TAFA5: variants seen among roughly 807,000 people sequenced by gnomAD.
TAFA5 encodes the protein TAFA chemokine like family member 5.
Under a neutral mutation model 15.3 loss-of-function variants are expected in TAFA5, and 6 were observed. The observed-to-expected ratio is 0.39, with a 90% CI of 0.21 to 0.77. The LOEUF is 0.77. Among genes scored for constraint, TAFA5 ranks in the 30% least tolerant of loss-of-function variants. The probability of loss-of-function intolerance (pLI) is 0.41; values close to 1 mark genes in which losing one functional copy is unlikely to be tolerated. For missense variants in TAFA5, 161 were observed against 193.1 expected (o/e 0.83, Z 0.98); for synonymous variants, 103 against 80.7 (o/e 1.28, Z -1.48).
At chr22:48,614,211 CTCACCCCAACTCT>C (rs1925516714) in intron 1 of TAFA5, among the ~76,000 whole-genome samples, 1 of 152,214 alleles carries the variant, frequency 6.6e-6, no homozygotes, top group Non-Finnish European at 1.5e-5. Flanking sequence ...CGAACCATTC[CTCACCCCAACTCT>C]TCATTGTGAA....
intron 3 of TAFA5, among the ~76,000 whole-genome samples, chr22:48,739,342 A>C (rs901216639): frequency 6.6e-6 from 1 of 152,214 alleles, no homozygotes; most frequent in African/African-American, 2.4e-5. Context: ...CAACTTGCAG[A>C]AAATGTTGAG....
chr22:48,721,703 C>G (rs1340482617), intron 3 of TAFA5, among the ~76,000 whole-genome samples: 1 of 152,228 alleles, frequency 6.6e-6, no homozygotes, highest in East Asian at 1.9e-4. Flanking sequence ...GGCACAGTGG[C>G]TCACGCCTGT....
chr22:48,664,046 G>A (rs1021332155), intron 2 of TAFA5, among the ~76,000 whole-genome samples: 9 of 152,224 alleles, frequency 5.9e-5, no homozygotes, highest in Non-Finnish European at 1.2e-4. Context: ...GAAGGAAACA[G>A]ACCTCATGCT....
chr22:48,536,085 C>T (rs1488597059), intron 1 of TAFA5, among the ~76,000 whole-genome samples: 1 of 152,226 alleles, frequency 6.6e-6, no homozygotes, highest in African/African-American at 2.4e-5. Context: ...CCGCATGCAG[C>T]GAGTTCCCGC....
chr22:48,638,718 G>C (rs1413061439), intron 1 of TAFA5, among the ~76,000 whole-genome samples: 1 of 139,786 alleles, frequency 7.2e-6, no homozygotes, highest in African/African-American at 2.9e-5. Context: ...ACTGCACACA[G>C]GGGGGACCCC....
intron 2 of TAFA5, among the ~76,000 whole-genome samples, chr22:48,679,047 C>T (rs1928080854): frequency 7.4e-6 from 1 of 134,466 alleles, no homozygotes; most frequent in African/African-American, 2.8e-5. Flanking sequence ...GGCTCCCCAG[C>T]TCCCCCTCCA....
chr22:48,567,875 G>A (rs1923460733), intron 1 of TAFA5, among the ~76,000 whole-genome samples: 2 of 152,180 alleles, frequency 1.3e-5, no homozygotes, highest in African/African-American at 4.8e-5. Context: ...CTCAGCCCAT[G>A]CAAGGTGCTG....
At chr22:48,633,671 G>A (rs1926329862) in intron 1 of TAFA5, among the ~76,000 whole-genome samples, 1 of 152,072 alleles carries the variant, frequency 6.6e-6, no homozygotes, top group South Asian at 2.1e-4. Flanking sequence ...GGGAGGGATT[G>A]GTGGGGGCGG....
At chr22:48,492,846 C>T (rs1447786357) in intron 1 of TAFA5, among the ~76,000 whole-genome samples, 1 of 152,274 alleles carries the variant, frequency 6.6e-6, no homozygotes, top group East Asian at 1.9e-4. Context: ...AGCTCTTCTC[C>T]ATTCTGGTCT....
chr22:48,658,132 C>T (rs571294483), intron 2 of TAFA5, among the ~76,000 whole-genome samples: 11 of 151,522 alleles, frequency 7.3e-5, no homozygotes, highest in Middle Eastern at 3.4e-3. Context: ...ACATTCGTGA[C>T]GTTTCAGGGA....
intron 2 of TAFA5, among the ~76,000 whole-genome samples, chr22:48,659,610 T>C (rs1601650432): frequency 1.3e-5 from 2 of 152,172 alleles, no homozygotes; most frequent in South Asian, 4.2e-4. Context: ...TTGTCCTGCT[T>C]TTCTCCCTGT....
intron 3 of TAFA5, among the ~76,000 whole-genome samples, chr22:48,746,965 C>T (rs1930346592): frequency 6.6e-6 from 1 of 152,218 alleles, no homozygotes; most frequent in Non-Finnish European, 1.5e-5. Context: ...ACCTCCCTTC[C>T]AGTAGGACCC....
intron 1 of TAFA5, among the ~76,000 whole-genome samples, chr22:48,631,801 G>A (rs901392753): frequency 6.6e-6 from 1 of 152,150 alleles, no homozygotes. Flanking sequence ...AAGGGTCTGC[G>A]TGGCCGTGTG....
At chr22:48,691,333 G>C (rs1335752343) in intron 2 of TAFA5, among the ~76,000 whole-genome samples, 1 of 152,240 alleles carries the variant, frequency 6.6e-6, no homozygotes, top group Non-Finnish European at 1.5e-5. Flanking sequence ...TGGGACTGCT[G>C]CTGATGCAGA....
At chr22:48,638,167 T>G (rs1470837249) in intron 1 of TAFA5, among the ~76,000 whole-genome samples, 1 of 152,016 alleles carries the variant, frequency 6.6e-6, no homozygotes, top group Non-Finnish European at 1.5e-5. Flanking sequence ...CTGGCGTTGC[T>G]CACAACTTCG....
chr22:48,652,935 T>C (rs1456831707), intron 2 of TAFA5, among the ~76,000 whole-genome samples: 1 of 152,124 alleles, frequency 6.6e-6, no homozygotes, highest in African/African-American at 2.4e-5. Context: ...AGCCAGGTTG[T>C]GGGTCCTGGC....
At chr22:48,611,188 G>A (rs1925396237) in intron 1 of TAFA5, among the ~76,000 whole-genome samples, 1 of 152,204 alleles carries the variant, frequency 6.6e-6, no homozygotes, top group African/African-American at 2.4e-5. Flanking sequence ...GCCCGCCTTG[G>A]CCTCCCAAAG....
At chr22:48,587,854 C>CGCAGAGG (rs1203258483) in intron 1 of TAFA5, among the ~76,000 whole-genome samples, 1 of 152,270 alleles carries the variant, frequency 6.6e-6, no homozygotes, top group African/African-American at 2.4e-5. Context: ...GGAGGACTCA[C>CGCAGAGG]GCAGAGGCGG....
intron 1 of TAFA5, among the ~76,000 whole-genome samples, chr22:48,493,408 C>T (rs1481049894): frequency 6.6e-6 from 1 of 152,188 alleles, no homozygotes; most frequent in Middle Eastern, 3.2e-3. Context: ...GTTTTGAATC[C>T]ATTAGAATCC....
Sources: gnomAD v4.1 joint callset for allele counts (sites outside exome capture counted in the v4.1 genomes callset) on GRCh38, gnomAD v4.1.1 for gene constraint, MANE v1.5 for transcripts, NCBI Gene and HGNC (gene_info 2026-07-23, HGNC 2026-07-21) for gene names.